Variants in TIPARP observed in about 807,000 individuals in gnomAD.
TIPARP encodes the protein protein mono-ADP-ribosyltransferase TIPARP.
A neutral mutation model predicts 56.5 loss-of-function variants in TIPARP; 12 were observed. The ratio of observed to expected loss-of-function variants is 0.21; its 90% CI spans 0.14 to 0.34. The LOEUF (loss-of-function observed/expected upper bound fraction) is 0.34. Ranked by LOEUF, TIPARP falls within the 10% of genes least tolerant of loss-of-function variation. The pLI is 1.00. For missense variants in TIPARP, 604 were observed against 781.6 expected (o/e 0.77, Z 2.71); for synonymous variants, 296 against 265.7 (o/e 1.11, Z -1.11).
At chr3:156,695,256 C>A (rs1722683303) in intron 3 of TIPARP, among the ~76,000 whole-genome samples, 4 of 151,238 alleles carry the variant, frequency 2.6e-5, no homozygotes, top group Admixed American at 2.0e-4. Flanking sequence ...CTCTGTTGCC[C>A]AGGCTGGAGT....
chr3:156,681,786 G>A (rs538860893), intron 2 of TIPARP, among the ~76,000 whole-genome samples: 3 of 151,978 alleles, frequency 2.0e-5, no homozygotes, highest in East Asian at 1.9e-4. Context: ...ATCTACAAAC[G>A]TTCATTGCCA....
At chr3:156,704,518 T>C (rs344052) in intron 5 of TIPARP, among the ~76,000 whole-genome samples, 166 bp from the exon 6 acceptor site, 145,074 of 152,324 alleles carry the variant, frequency 0.95, 69,126 homozygotes, top group Middle Eastern at 0.99. Context: ...AAAAGGCCTT[T>C]TCTACAGTGG....
intron 3 of TIPARP, 52 bp downstream of exon 3, chr3:156,694,240 T>C (rs1423799652): frequency 6.7e-7 from 1 of 1,491,304 alleles, no homozygotes. Flanking sequence ...TATTTTTTTC[T>C]TCCTGTATTC....
chr3:156,693,548 T>G (rs1368010672), intron 2 of TIPARP, among the ~76,000 whole-genome samples: 1 of 152,234 alleles, frequency 6.6e-6, no homozygotes, highest in Admixed American at 6.5e-5. Flanking sequence ...TTTTCCCTTC[T>G]TTTATTCTGT....
intron 2 of TIPARP, among the ~76,000 whole-genome samples, chr3:156,692,358 T>C (rs570800795): frequency 5.5e-4 from 83 of 152,274 alleles, no homozygotes; most frequent in African/African-American, 1.9e-3. Flanking sequence ...TTTTTTGTTT[T>C]GTCGTGTTTG....
In TIPARP at chr3:156,704,902, G is replaced by C. The variant is rs1319292966; in HGVS notation, c.1745G>C (p.Gly582Ala). 6.2e-7 allele frequency: 1 copy of C among 1,614,050 alleles called. No individual in the cohort carries two copies. The highest frequency in any genetic ancestry group is 8.5e-7 in the Non-Finnish European group (1 of 1,180,046). ...AACTTTTCTAAGAAGTCCTCCAAAG[G>C]AGTCCACTTCATGTTTCTGGCCAAA... ...SHNFSKKSSK[G>A]VHFMFLAKVL... The change falls in exon 6 of 6, where the codon GGA (glycine) becomes GCA (alanine). Residue 582 changes from glycine to alanine, a missense_variant. Gly to Ala is a moderately conservative substitution (Grantham distance 60, BLOSUM62 0). This residue lies in a region of TIPARP where 77 missense variants were observed against 161.0 expected (regional missense o/e 0.48). Coordinates refer to ENST00000295924, the MANE Select transcript of TIPARP (RefSeq NM_015508.5).
chr3:156,683,786 A>G (rs1392308025), intron 2 of TIPARP, among the ~76,000 whole-genome samples: 1 of 152,230 alleles, frequency 6.6e-6, no homozygotes, highest in East Asian at 1.9e-4. Context: ...TTCCTAAAGG[A>G]TAAAGCAGTA....
chr3:156,678,381 C>G lies in TIPARP; in HGVS notation c.684C>G (p.Asn228Lys). The G allele has an allele frequency of 6.2e-7, 1 of 1,614,164 alleles. No individual in the cohort carries two copies. The highest frequency in any genetic ancestry group is 2.2e-5 in the East Asian group (1 of 44,890). Reference sequence around the variant, plus strand: ...TTGACCTCGTGTTTGAGCTGGTGAACCAGTTGCAGTACCACACTCACCAAG... The same window carrying G: ...TTGACCTCGTGTTTGAGCTGGTGAAGCAGTTGCAGTACCACACTCACCAAG... ...ASLDLVFELVNQLQYHTHQEN... is the reference protein window; with the variant it reads ...ASLDLVFELVKQLQYHTHQEN... Residue 228 changes from asparagine to lysine, a missense_variant, in exon 2 of 6, where the codon AAC becomes AAG. By Grantham distance (94) the Asn-to-Lys change is moderately conservative. Around this residue, in one of 4 missense-constraint regions of TIPARP, gnomAD observed 261 missense variants for 279.2 expected, o/e 0.93. Coordinates refer to ENST00000295924, the MANE Select transcript of TIPARP (RefSeq NM_015508.5).
At chr3:156,684,307 T>G (rs1722375910) in intron 2 of TIPARP, among the ~76,000 whole-genome samples, 1 of 152,150 alleles carries the variant, frequency 6.6e-6, no homozygotes, top group African/African-American at 2.4e-5. Flanking sequence ...TCCCTTTGAT[T>G]CTGGGTTTGA....
chr3:156,686,194 G>C (rs181250165), intron 2 of TIPARP, among the ~76,000 whole-genome samples: 1 of 152,290 alleles, frequency 6.6e-6, no homozygotes, highest in East Asian at 1.9e-4. Context: ...TTATCCAAAT[G>C]CTGGCAGACA....
At chr3:156,703,998 G>A (rs1332585407) in intron 5 of TIPARP, among the ~76,000 whole-genome samples, 2 of 120,076 alleles carry the variant, frequency 1.7e-5, no homozygotes, top group African/African-American at 3.3e-5. Flanking sequence ...GGGCGACAGA[G>A]CCAGACTCCG....
chr3:156,705,199 G>GT lies in TIPARP; in HGVS notation c.*69dup. ...AGCATTTGTAGCAGGTTTTGAATGG[G>GT]TGGGACTGGGTGGGGAACAGCATTG... On this transcript the variant is annotated 3_prime_UTR_variant, in exon 6 of 6. Coordinates refer to ENST00000295924, the MANE Select transcript of TIPARP (RefSeq NM_015508.5). 1 of 783,606 alleles carries GT rather than the reference G, an allele frequency of 1.3e-6. No homozygotes were observed. The highest frequency in any genetic ancestry group is 1.9e-6 in the Non-Finnish European group (1 of 514,740). The allele number at this position is 783,606 out of a possible 1,614,324, so 48.5% of individuals were successfully genotyped here.
In TIPARP at chr3:156,695,898, C is replaced by A. The variant is rs201159091; in HGVS notation, c.1120C>A (p.Arg374=). 26 of 1,582,096 alleles carry A rather than the reference C, an allele frequency of 1.6e-5. No homozygotes were observed. The highest frequency in any genetic ancestry group is 7.1e-5 in the Admixed American group (4 of 56,560). ...VIRLIEEANS[R]GLKEVRFMMW... ...TCGATTGATTGAAGAAGCCAACTCT[C>A]GGGGTCTGAAAGAGGTTCGATTTAT... The change falls in exon 4 of 6, where the codon CGG becomes AGG. Residue 374 remains arginine, a synonymous_variant. Transcript: ENST00000295924.
At chr3:156,680,466 A>G (rs1190677628) in intron 2 of TIPARP, among the ~76,000 whole-genome samples, 2 of 152,148 alleles carry the variant, frequency 1.3e-5, no homozygotes, top group Non-Finnish European at 2.9e-5. Flanking sequence ...TAATCCTTCT[A>G]TCTCCAGATT....
At chr3:156,696,759 C>A (rs893814267) in intron 4 of TIPARP, among the ~76,000 whole-genome samples, 2 of 152,170 alleles carry the variant, frequency 1.3e-5, no homozygotes, top group African/African-American at 4.8e-5. Context: ...CTAGGGAAAT[C>A]ATTATCTACT....
intron 4 of TIPARP, among the ~76,000 whole-genome samples, chr3:156,697,747 G>A (rs544430219): frequency 4.6e-5 from 7 of 152,220 alleles, no homozygotes; most frequent in East Asian, 3.9e-4. Context: ...TGATCTGACC[G>A]GTGATCTTTA....
chr3:156,691,052 T>C (rs911337096), intron 2 of TIPARP, among the ~76,000 whole-genome samples: 1 of 152,166 alleles, frequency 6.6e-6, no homozygotes, highest in Non-Finnish European at 1.5e-5. Context: ...TACCCCCTTA[T>C]AGGAATTTAC....
In TIPARP at chr3:156,705,655, A is replaced by G. The variant is rs995128239; in HGVS notation, c.*524A>G. On this transcript the variant is annotated 3_prime_UTR_variant, in exon 6 of 6. Coordinates refer to ENST00000295924, the MANE Select transcript of TIPARP (RefSeq NM_015508.5). ...TGGGTAGAAAGAAATTTTTATTTCT[A>G]TCAGCAGTACTAAAATGTATCAGCC... The G allele has an allele frequency of 3.3e-5, 5 of 152,848 alleles. No individual in the cohort carries two copies. Among genetic ancestry groups the G allele is most frequent in the Non-Finnish European group, 1.5e-5 (1 of 68,204 alleles). 9.5% of individuals were successfully genotyped at this position (152,848 alleles called of 1,614,324 possible). A position where few individuals can be genotyped will look rare whatever the true frequency, so the allele number is the denominator to read the frequency against.
In TIPARP at chr3:156,704,012, C is replaced by CAA. The variant is rs11452301; in HGVS notation, c.1526+327_1526+328dup. On this transcript the variant is annotated intron_variant, in intron 5 of 5. Transcript: ENST00000295924. The stretch of plus-strand genomic sequence containing the variant: ...TGGGCGACAGAGCCAGACTCCGTCT[C>CAA]AAAAAAAAAAAAAAAAAAGTTCAAG... Among the ~76,000 whole-genome samples, 542 of 121,644 alleles carry CAA rather than the reference C, an allele frequency of 4.5e-3. 7 individuals carry two copies. The highest frequency in any genetic ancestry group is 9.8e-3 in the African/African-American group (306 of 31,166). The allele number at this position is 121,644 out of a possible 152,430, so 79.8% of individuals were successfully genotyped here.
Sources: gnomAD v4.1 joint callset for allele counts (sites outside exome capture counted in the v4.1 genomes callset) on GRCh38, gnomAD v4.1.1 for gene constraint, gnomAD v4.1.1 regional missense constraint, MANE v1.5 for transcripts, NCBI Gene and HGNC (gene_info 2026-07-23, HGNC 2026-07-21) for gene names.